The following RYR2 variants were observed in gnomAD, a reference collection of about 807,000 sequenced individuals.
RYR2 encodes the protein ryanodine receptor 2.
RYR2 carries 227 observed loss-of-function variants against 601.1 expected under a neutral mutation model. The observed-to-expected ratio is 0.38, with a 90% CI of 0.34 to 0.42. The LOEUF (loss-of-function observed/expected upper bound fraction) is 0.42, where lower values mean the gene tolerates loss of function less well. Ranked by LOEUF, RYR2 falls within the 10% of genes least tolerant of loss-of-function variation. The probability of loss-of-function intolerance (pLI) is 1.00; values close to 1 mark genes in which losing one functional copy is unlikely to be tolerated. For missense variants in RYR2, 4,646 were observed against 6,156.5 expected (o/e 0.75, Z 8.21); for synonymous variants, 2,223 against 2,175.1 (o/e 1.02, Z -0.61).
At chr1:237,535,488 C>T (rs893642045) in intron 25 of RYR2, among the ~76,000 whole-genome samples, 4 of 143,814 alleles carry the variant, frequency 2.8e-5, no homozygotes. Flanking sequence ...CACACATACA[C>T]ACACACACAC....
intron 104 of RYR2, among the ~76,000 whole-genome samples, chr1:237,832,188 A>C (rs1455700363): frequency 6.7e-6 from 1 of 149,870 alleles, no homozygotes; most frequent in Non-Finnish European, 1.5e-5. Context: ...ACAGGCATGC[A>C]CCACCACACC....
Position 237,423,002 on chromosome 1 carries a change from A to G in RYR2, c.849-90A>G, listed in dbSNP as rs1011150385. 9 of 1,422,628 alleles carry G rather than the reference A, an allele frequency of 6.3e-6. No homozygotes were observed. In the African/African-American group the frequency reaches 7.2e-5, roughly 11 times the overall value. 88.1% of individuals were successfully genotyped at this position (1,422,628 alleles called of 1,614,324 possible). On this transcript the variant is annotated intron_variant, in intron 11 of 104. Transcript: ENST00000366574. The stretch of plus-strand genomic sequence containing the variant: ...TTTTGAGAACATTAAGACAATATAT[A>G]TGACTGTTCATTGTCCGACATATGT...
chr1:237,594,899 T>G lies in RYR2; in HGVS notation c.4437-599T>G, dbSNP rs1354864144. ...TAATATCACTGGGTTTTTTTTTTTT[T>G]TTTTTTTTTTTTTTTTTTTTTTTTT... On this transcript the variant is annotated intron_variant, in intron 33 of 104. Transcript: ENST00000366574. Among the ~76,000 whole-genome samples the G allele has an allele frequency of 2.6e-3, 61 of 23,448 alleles. 2 individuals are homozygous for G. Among genetic ancestry groups the G allele is most frequent in the African/African-American group, 3.5e-3 (55 of 15,642 alleles). The allele number at this position is 23,448 out of a possible 152,430, so 15.4% of individuals were successfully genotyped here.
chr1:237,268,692 C>T (rs2149339176), intron 1 of RYR2, among the ~76,000 whole-genome samples: 1 of 151,960 alleles, frequency 6.6e-6, no homozygotes, highest in South Asian at 2.1e-4. Context: ...AATCCCAGCA[C>T]TTTGGGAGGC....
At chr1:237,783,641 TTA>T in intron 89 of RYR2, 32 bp from the exon 90 acceptor site, 1 of 1,384,718 alleles carries the variant, frequency 7.2e-7, no homozygotes, top group Non-Finnish European at 1.0e-6. Flanking sequence ...TTTTGTTAGT[TTA>T]TTTTAAACAA....
At chr1:237,107,515 A>C (rs572881866) in intron 1 of RYR2, among the ~76,000 whole-genome samples, 4 of 146,826 alleles carry the variant, frequency 2.7e-5, no homozygotes, top group African/African-American at 1.0e-4. Context: ...GTGAGACTCC[A>C]TCTCAAAAAA....
At chr1:237,213,954 G>C (rs984416153) in intron 1 of RYR2, among the ~76,000 whole-genome samples, 4 of 116,984 alleles carry the variant, frequency 3.4e-5, no homozygotes, top group Non-Finnish European at 5.0e-5. Context: ...AGAGTCTTGA[G>C]CTGTCACCCA....
At chr1:237,612,554 T>C (rs1678000119) in intron 36 of RYR2, among the ~76,000 whole-genome samples, 1 of 152,188 alleles carries the variant, frequency 6.6e-6, no homozygotes, top group South Asian at 2.1e-4. Flanking sequence ...TAGATATCTT[T>C]CATAATGTAC....
At chr1:237,649,585 A>G (rs1308146302) in intron 49 of RYR2, among the ~76,000 whole-genome samples, 2 of 152,180 alleles carry the variant, frequency 1.3e-5, no homozygotes, top group South Asian at 2.1e-4. Context: ...GTCTTCTTAC[A>G]TTGATCCTAC....
At chr1:237,085,272 T>A (rs1206985140) in intron 1 of RYR2, among the ~76,000 whole-genome samples, 1 of 152,254 alleles carries the variant, frequency 6.6e-6, no homozygotes, top group Non-Finnish European at 1.5e-5. Flanking sequence ...TTTAGTCATT[T>A]CAGCTACTGG....
At position 237,611,055 on chromosome 1, in the gene RYR2, C is replaced by T. The variant is rs745672126; in HGVS notation, c.4910+67C>T. 8 of 1,397,380 alleles carry T rather than the reference C, an allele frequency of 5.7e-6. No individual in the cohort carries two copies. The South Asian group carries it at 7.4e-5, about 13-fold the overall frequency. 86.6% of individuals were successfully genotyped at this position (1,397,380 alleles called of 1,614,324 possible). On this transcript the variant is annotated intron_variant, in intron 36 of 104. Coordinates refer to ENST00000366574, the MANE Select transcript of RYR2 (RefSeq NM_001035.3). ...GGGATTAGCCTGCTGCCCGGGGCTT[C>T]CGGTAGTGGTGCGGGGCAGGGGTGG...
chr1:237,526,091 T>G (rs749914376), intron 24 of RYR2, among the ~76,000 whole-genome samples: 4 of 152,144 alleles, frequency 2.6e-5, no homozygotes, highest in Non-Finnish European at 1.5e-5. Context: ...TGGAGAAATA[T>G]TCATGCTGTT....
chr1:237,363,858 C>T (rs990426693), intron 4 of RYR2, among the ~76,000 whole-genome samples: 2 of 152,152 alleles, frequency 1.3e-5, no homozygotes, highest in African/African-American at 2.4e-5. Context: ...TAAGAAATTG[C>T]TTACTGTTAT....
intron 2 of RYR2, among the ~76,000 whole-genome samples, chr1:237,295,745 G>GA (rs1327568502): frequency 6.6e-6 from 1 of 152,044 alleles, no homozygotes; most frequent in Non-Finnish European, 1.5e-5. Context: ...CTATAAAAAG[G>GA]AAAAAATATT....
At chr1:237,798,274 G>A (rs1184484118) in intron 97 of RYR2, 104 bp downstream of exon 97, 30 of 1,034,808 alleles carry the variant, frequency 2.9e-5, no homozygotes, top group Non-Finnish European at 3.7e-5. Context: ...AATGTCAGAA[G>A]AATAGATAGA....
chr1:237,774,650 T>G (rs2149322123), intron 87 of RYR2, among the ~76,000 whole-genome samples: 1 of 152,306 alleles, frequency 6.6e-6, no homozygotes, highest in South Asian at 2.1e-4. Context: ...AGTGAAAGCT[T>G]AAGTCAGTTT....
chr1:237,676,926 A>G (rs1685451489), intron 60 of RYR2, among the ~76,000 whole-genome samples: 1 of 152,162 alleles, frequency 6.6e-6, no homozygotes, highest in African/African-American at 2.4e-5. Flanking sequence ...ACATAACTTC[A>G]TATGAGAAAG....
chr1:237,199,370 A>G (rs948479117), intron 1 of RYR2, among the ~76,000 whole-genome samples: 35 of 152,260 alleles, frequency 2.3e-4, no homozygotes, highest in African/African-American at 8.4e-4. Flanking sequence ...CGAAGGCCCA[A>G]GAGCCCCTGG....
At chr1:237,641,461 GTGTCTGTC>G (rs201068110) in intron 47 of RYR2, among the ~76,000 whole-genome samples, 16 of 82,452 alleles carry the variant, frequency 1.9e-4, no homozygotes, top group East Asian at 9.6e-4. Context: ...ATATAAATTA[GTGTCTGTC>G]TGTCTTTCTT....
Sources: allele counts gnomAD v4.1 joint callset (sites outside exome capture counted in the v4.1 genomes callset), GRCh38; gene constraint gnomAD v4.1.1; transcripts MANE v1.5; gene names NCBI Gene and HGNC (gene_info 2026-07-23, HGNC 2026-07-21).